Variants in MPP7 observed in about 807,000 individuals in gnomAD.
MPP7 encodes MAGUK p55 scaffold protein 7.
A neutral mutation model predicts 76.5 loss-of-function variants in MPP7; 60 were observed. The observed-to-expected ratio is 0.78, with a 90% CI of 0.64 to 0.97. MPP7 has a LOEUF of 0.97. Ranked by LOEUF, MPP7 falls within the 50% of genes least tolerant of loss-of-function variation. The pLI is 0.00. For missense variants in MPP7, 641 were observed against 694.0 expected, an observed-to-expected ratio of 0.92 and a Z score of 0.86; for synonymous variants, 237 against 244.5, an observed-to-expected ratio of 0.97 and a Z score of 0.29.
At chr10:28,153,384 G>C (rs977908341) in intron 3 of MPP7, among the ~76,000 whole-genome samples, 1 of 152,076 alleles carries the variant, frequency 6.6e-6, no homozygotes, top group African/African-American at 2.4e-5. Flanking sequence ...GGGAAATCTG[G>C]TTAAATTAAT....
At chr10:28,084,725 T>A (rs1238482702) in intron 12 of MPP7, among the ~76,000 whole-genome samples, 1 of 152,182 alleles carries the variant, frequency 6.6e-6, no homozygotes, top group African/African-American at 2.4e-5. Flanking sequence ...TCGTGGTAAG[T>A]GGAAGACTTA....
At chr10:28,119,554 G>C (rs1318448409) in intron 11 of MPP7, 97 bp downstream of exon 11, 8 of 867,206 alleles carry the variant, frequency 9.2e-6, no homozygotes, top group Non-Finnish European at 1.5e-5. Flanking sequence ...TTATTGCTAG[G>C]GTAATAGGAC....
intron 1 of MPP7, among the ~76,000 whole-genome samples, chr10:28,266,552 AGAGT>A (rs1379620519): frequency 6.6e-6 from 1 of 152,182 alleles, no homozygotes; most frequent in Non-Finnish European, 1.5e-5. Context: ...CCTGGGTGAC[AGAGT>A]GAGACCCTGA....
At chr10:28,312,799 A>G (rs1326643841) in intron 2 of MPP7, among the ~76,000 whole-genome samples, 1 of 152,204 alleles carries the variant, frequency 6.6e-6, no homozygotes, top group Non-Finnish European at 1.5e-5. Flanking sequence ...TGCACCACTT[A>G]TGTTATCCTA....
intron 11 of MPP7, among the ~76,000 whole-genome samples, chr10:28,114,247 C>G (rs186975721): frequency 3.9e-5 from 6 of 152,158 alleles, no homozygotes; most frequent in African/African-American, 7.2e-5. Flanking sequence ...CCCATCTCTA[C>G]AGAAAATTTT....
chr10:28,237,689 G>C (rs1398200231), intron 2 of MPP7, among the ~76,000 whole-genome samples: 1 of 152,150 alleles, frequency 6.6e-6, no homozygotes, highest in Non-Finnish European at 1.5e-5. Flanking sequence ...GCTGGTTTGA[G>C]AGCTATATCA....
chr10:28,246,081 A>G (rs1414093428), intron 1 of MPP7, among the ~76,000 whole-genome samples: 1 of 152,136 alleles, frequency 6.6e-6, no homozygotes, highest in Non-Finnish European at 1.5e-5. Flanking sequence ...ATGTGAGGGG[A>G]GAAATGGACA....
intron 5 of MPP7, 65 bp downstream of exon 5, chr10:28,147,418 T>C (rs1170243979): frequency 1.9e-5 from 24 of 1,289,002 alleles, no homozygotes; most frequent in Non-Finnish European, 2.5e-5. Flanking sequence ...GAAACAAAAT[T>C]CATCTGAAGG....
chr10:28,290,847 A>C (rs1840901240), intron 1 of MPP7, among the ~76,000 whole-genome samples: 1 of 152,202 alleles, frequency 6.6e-6, no homozygotes, highest in South Asian at 2.1e-4. Context: ...ACTCACCTAG[A>C]ATCTTAATGC....
chr10:28,053,690 T>C lies in MPP7; in HGVS notation c.*375A>G, dbSNP rs1851437850. ...CTGCTGAATTGATACCTTCAACAGC[T>C]AACATTCAAACTCGACAGCAGCAGC... On this transcript the variant is annotated 3_prime_UTR_variant, in exon 17 of 17. Coordinates refer to ENST00000683449, the MANE Select transcript of MPP7 (RefSeq NM_001318170.2). 2 of 191,066 alleles carry C rather than the reference T, an allele frequency of 1.0e-5. No individual in the cohort carries two copies. The highest frequency in any genetic ancestry group is 2.3e-4 in the South Asian group (2 of 8,786). The allele number at this position is 191,066 out of a possible 1,614,324, so 11.8% of individuals were successfully genotyped here.
At position 28,320,163 on chromosome 10, in the gene MPP7, A is replaced by G. The variant is rs183707154; in HGVS notation, c.-132+9766T>C. On this transcript the variant is annotated intron_variant, in intron 2 of 11. Coordinates refer to the MPP7 transcript ENST00000441595. The stretch of plus-strand genomic sequence containing the variant: ...GAGAGATCAACAGGAATTGAAGAAA[A>G]GGAAACTAGTTTAAGGAGAGAAATG... Among the ~76,000 whole-genome samples the G allele has an allele frequency of 1.8e-3, 269 of 152,268 alleles. 9 individuals are homozygous for G. Among genetic ancestry groups the G allele is most frequent in the Admixed American group, 0.015 (227 of 15,282 alleles).
At chr10:28,108,349 C>T (rs1834390481) in intron 11 of MPP7, among the ~76,000 whole-genome samples, 2 of 152,238 alleles carry the variant, frequency 1.3e-5, no homozygotes, top group East Asian at 3.9e-4. Context: ...AGAGCTGAAG[C>T]AGCTGATCTC....
chr10:28,053,878 G>C lies in MPP7; in HGVS notation c.*187C>G, dbSNP rs1025198345. 1 of 605,780 alleles carries C rather than the reference G, an allele frequency of 1.7e-6. No individual in the cohort carries two copies. The highest frequency in any genetic ancestry group is 2.9e-6 in the Non-Finnish European group (1 of 345,972). 37.5% of individuals were successfully genotyped at this position (605,780 alleles called of 1,614,324 possible). On this transcript the variant is annotated 3_prime_UTR_variant, in exon 17 of 17. Coordinates refer to ENST00000683449, the MANE Select transcript of MPP7 (RefSeq NM_001318170.2). ...ACAGTACTGTGCATATTTTGATTTCGGATCTTATACTAACACATGGCGTTT... is the reference window on the plus strand; with the variant it reads ...ACAGTACTGTGCATATTTTGATTTCCGATCTTATACTAACACATGGCGTTT...
intron 2 of MPP7, among the ~76,000 whole-genome samples, chr10:28,311,034 C>T (rs11007006): frequency 0.094 from 14,338 of 152,102 alleles, 1,159 homozygotes; most frequent in East Asian, 0.42. Flanking sequence ...TATGGGATCC[C>T]CAGTGGCTTA....
At chr10:28,263,706 A>G (rs898447240) in intron 1 of MPP7, among the ~76,000 whole-genome samples, 4 of 152,112 alleles carry the variant, frequency 2.6e-5, no homozygotes, top group African/African-American at 9.7e-5. Context: ...GGCAGAGAGG[A>G]GCGGCATATC....
At chr10:28,243,728 C>A (rs1023114850) in intron 1 of MPP7, among the ~76,000 whole-genome samples, 1 of 152,074 alleles carries the variant, frequency 6.6e-6, no homozygotes, top group African/African-American at 2.4e-5. Flanking sequence ...TCATATCCTT[C>A]AACCGGAACA....
intron 3 of MPP7, among the ~76,000 whole-genome samples, chr10:28,155,735 G>A (rs1209306865): frequency 6.6e-6 from 1 of 152,112 alleles, no homozygotes; most frequent in South Asian, 2.1e-4. Context: ...CAGAAAACCT[G>A]TTAGGAGGAT....
At chr10:28,117,366 T>C (rs1834694449) in intron 11 of MPP7, among the ~76,000 whole-genome samples, 2 of 152,154 alleles carry the variant, frequency 1.3e-5, no homozygotes, top group African/African-American at 4.8e-5. Flanking sequence ...GATAGAATTA[T>C]TCTTCCTTTA....
intron 2 of MPP7, among the ~76,000 whole-genome samples, chr10:28,224,134 G>A (rs1344559049): frequency 3.9e-5 from 6 of 151,946 alleles, no homozygotes; most frequent in Non-Finnish European, 7.4e-5. Context: ...GCAGTGAGCC[G>A]AGATCATGCC....
Sources: allele counts gnomAD v4.1 joint callset (sites outside exome capture counted in the v4.1 genomes callset), GRCh38; gene constraint gnomAD v4.1.1; transcripts MANE v1.5; gene names NCBI Gene and HGNC (gene_info 2026-07-23, HGNC 2026-07-21).